Variants in SPSB4 observed in about 807,000 individuals in gnomAD.
SPSB4 encodes the protein splA/ryanodine receptor domain and SOCS box containing 4.
SPSB4 carries 21 observed loss-of-function variants against 20.9 expected under a neutral mutation model. The observed-to-expected ratio is 1.01, with a 90% CI of 0.71 to 1.45. SPSB4 has a LOEUF of 1.45. Ranked by LOEUF, SPSB4 falls within the 40% of genes most tolerant of loss-of-function variation. The pLI, the probability that SPSB4 is intolerant of heterozygous loss-of-function variation, is 0.00. For missense variants in SPSB4, 399 were observed against 399.2 expected, an observed-to-expected ratio of 1.00 and a Z score of 0.00; for synonymous variants, 207 against 183.8, an observed-to-expected ratio of 1.13 and a Z score of -1.02.
chr3:141,130,298 A>G (rs16851075), intron 2 of SPSB4, among the ~76,000 whole-genome samples: 2,620 of 152,288 alleles, frequency 0.017, 45 homozygotes, highest in East Asian at 0.077. Context: ...AGTACAAGGA[A>G]TGGTGTTCTA....
chr3:141,083,824 TAGTG>T (rs71832307), intron 2 of SPSB4, among the ~76,000 whole-genome samples: 1,726 of 152,172 alleles, frequency 0.011, 13 homozygotes, highest in African/African-American at 0.018. Context: ...GGCCCCTTCT[TAGTG>T]AGCAATCCTC....
chr3:141,052,573 G>A (rs1936112919), intron 1 of SPSB4, among the ~76,000 whole-genome samples: 1 of 152,148 alleles, frequency 6.6e-6, no homozygotes, highest in Admixed American at 6.5e-5. Context: ...TTCGTCCGGG[G>A]TATTCGGAGA....
At chr3:141,059,294 T>C (rs1312178615) in intron 1 of SPSB4, among the ~76,000 whole-genome samples, 1 of 152,168 alleles carries the variant, frequency 6.6e-6, no homozygotes, top group Non-Finnish European at 1.5e-5. Context: ...TGTTAGGCCA[T>C]TTTTGCATTG....
chr3:141,096,559 C>T (rs1450855682), intron 2 of SPSB4, among the ~76,000 whole-genome samples: 1 of 152,192 alleles, frequency 6.6e-6, no homozygotes, highest in Non-Finnish European at 1.5e-5. Context: ...TGCACTATGC[C>T]AGATTTCCTA....
intron 2 of SPSB4, among the ~76,000 whole-genome samples, chr3:141,081,932 C>G (rs1226631898): frequency 6.6e-6 from 1 of 152,116 alleles, no homozygotes; most frequent in Non-Finnish European, 1.5e-5. Flanking sequence ...TTTTAAGGTT[C>G]TGGGGTGTCC....
intron 1 of SPSB4, among the ~76,000 whole-genome samples, chr3:141,064,885 T>C (rs983991000): frequency 4.1e-4 from 63 of 152,238 alleles, no homozygotes; most frequent in African/African-American, 1.5e-3. Context: ...CAGGATCCTG[T>C]CTCAGGGAAG....
chr3:141,082,845 T>TA (rs1263936455), intron 2 of SPSB4, among the ~76,000 whole-genome samples: 2 of 152,198 alleles, frequency 1.3e-5, no homozygotes, highest in Admixed American at 1.3e-4. Context: ...GCTCTTTTCT[T>TA]CCCCTGCTGT....
At chr3:141,071,907 T>C (rs1275103451) in intron 2 of SPSB4, among the ~76,000 whole-genome samples, 3 of 152,258 alleles carry the variant, frequency 2.0e-5, no homozygotes, top group Non-Finnish European at 4.4e-5. Flanking sequence ...CCAAGGCTTC[T>C]GGTATTGATG....
At chr3:141,084,340 T>A (rs540585818) in intron 2 of SPSB4, among the ~76,000 whole-genome samples, 247 of 151,968 alleles carry the variant, frequency 1.6e-3, no homozygotes, top group Non-Finnish European at 8.5e-4. Context: ...TCTCCTGGCC[T>A]CTCCTTGCCC....
At chr3:141,082,830 T>C (rs915416629) in intron 2 of SPSB4, among the ~76,000 whole-genome samples, 1 of 152,242 alleles carries the variant, frequency 6.6e-6, no homozygotes, top group East Asian at 1.9e-4. Context: ...CAGAATGTCC[T>C]GAGGGCTCTT....
intron 1 of SPSB4, among the ~76,000 whole-genome samples, chr3:141,056,554 C>T (rs1937642236): frequency 6.6e-6 from 1 of 152,244 alleles, no homozygotes; most frequent in Non-Finnish European, 1.5e-5. Flanking sequence ...AATAGTTCTG[C>T]TTTTCTTTTA....
At chr3:141,076,575 C>A (rs1041004310) in intron 2 of SPSB4, among the ~76,000 whole-genome samples, 3 of 152,214 alleles carry the variant, frequency 2.0e-5, no homozygotes, top group Non-Finnish European at 4.4e-5. Flanking sequence ...CATTTAATCT[C>A]CACGGGTGAG....
chr3:141,142,921 A>G lies in SPSB4; in HGVS notation c.695-4221A>G, dbSNP rs1000351497. The stretch of plus-strand genomic sequence containing the variant: ...AAGTTCCACCTCCCAGGTTCACACC[A>G]TTCTCCTGCCTCAGCCTCCCGAGTA... On this transcript the variant is annotated intron_variant, in intron 2 of 2. Coordinates refer to ENST00000310546, the MANE Select transcript of SPSB4 (RefSeq NM_080862.3). Among the ~76,000 whole-genome samples, 21 of 139,836 alleles carry G rather than the reference A, an allele frequency of 1.5e-4. No homozygotes were observed. The Admixed American group carries it at 1.7e-3, about 11-fold the overall frequency. 91.7% of individuals were successfully genotyped at this position (139,836 alleles called of 152,430 possible). A position where few individuals can be genotyped will look rare whatever the true frequency, so the allele number is the denominator to read the frequency against.
chr3:141,114,676 C>G (rs1237732749), intron 2 of SPSB4, among the ~76,000 whole-genome samples: 1 of 152,208 alleles, frequency 6.6e-6, no homozygotes, highest in African/African-American at 2.4e-5. Context: ...GCATCTCAGT[C>G]TGTGGTCTTT....
chr3:141,066,253 T>C lies in SPSB4; in HGVS notation c.149T>C (p.Val50Ala). The C allele has an allele frequency of 6.5e-7, 1 of 1,538,844 alleles. No homozygotes were observed. The highest frequency in any genetic ancestry group is 8.7e-7 in the Non-Finnish European group (1 of 1,143,408). ...LLDMPAAGLA[V>A]QLRHAWNPED... Reference sequence around the variant, plus strand: ...GACATGCCAGCGGCGGGGCTGGCTGTGCAGCTGCGGCACGCGTGGAACCCC... The same window carrying C: ...GACATGCCAGCGGCGGGGCTGGCTGCGCAGCTGCGGCACGCGTGGAACCCC... The change falls in exon 2 of 3, where the codon GTG becomes GCG. Residue 50 changes from valine (V) to alanine (A), a missense_variant. Physicochemically the swap from Val to Ala is moderately conservative, Grantham distance 64. Coordinates refer to ENST00000310546, the MANE Select transcript of SPSB4 (RefSeq NM_080862.3).
At chr3:141,060,424 G>A (rs1937740105) in intron 1 of SPSB4, among the ~76,000 whole-genome samples, 2 of 152,302 alleles carry the variant, frequency 1.3e-5, no homozygotes, top group South Asian at 4.1e-4. Context: ...CAACATGGAG[G>A]AAGAAGTAAG....
chr3:141,115,677 GAAGTA>G (rs1938870124), intron 2 of SPSB4, among the ~76,000 whole-genome samples: 1 of 152,208 alleles, frequency 6.6e-6, no homozygotes, highest in East Asian at 1.9e-4. Flanking sequence ...ACTAGAAGCG[GAAGTA>G]AAGTAGCTGT....
chr3:141,071,056 G>A (rs901966485), intron 2 of SPSB4, among the ~76,000 whole-genome samples: 4 of 152,214 alleles, frequency 2.6e-5, no homozygotes, highest in Non-Finnish European at 5.9e-5. Flanking sequence ...GCTCAGCATG[G>A]AACTCTGCAG....
At position 141,148,065 on chromosome 3, in the gene SPSB4, C is replaced by G. The variant is rs1939447159; in HGVS notation, c.*796C>G. ...TTTTAAAAGAGGAATGCGGAGAGGA[C>G]AGTACTTAGTCCAAAGGTGCTAACG... On this transcript the variant is annotated 3_prime_UTR_variant, in exon 3 of 3. Transcript: ENST00000310546. The surrounding 1 kb of genome is among the most constrained non-coding windows in gnomAD (Gnocchi z 4.5). 2 of 152,606 alleles carry G rather than the reference C, an allele frequency of 1.3e-5. No homozygotes were observed. The highest frequency in any genetic ancestry group is 4.1e-4 in the South Asian group (2 of 4,826). 9.5% of individuals were successfully genotyped at this position (152,606 alleles called of 1,614,324 possible).
Sources: gnomAD v4.1 joint callset for allele counts (sites outside exome capture counted in the v4.1 genomes callset) on GRCh38, gnomAD v4.1.1 for gene constraint, Gnocchi (gnomAD v3.1) non-coding constraint, MANE v1.5 for transcripts, NCBI Gene and HGNC (gene_info 2026-07-23, HGNC 2026-07-21) for gene names.